DYNC1H1: variants seen among roughly 807,000 people sequenced by gnomAD.
The protein encoded by DYNC1H1 is dynein cytoplasmic 1 heavy chain 1, also known as cytoplasmic dynein 1 heavy chain 1.
A neutral mutation model predicts 527.1 loss-of-function variants in DYNC1H1; 51 were observed. The observed-to-expected ratio is 0.10, with a 90% CI of 0.08 to 0.12. The LOEUF (loss-of-function observed/expected upper bound fraction) is 0.12. Among genes scored for constraint, DYNC1H1 ranks in the 10% least tolerant of loss-of-function variants. The pLI, the probability that DYNC1H1 is intolerant of heterozygous loss-of-function variation, is 1.00. For missense variants in DYNC1H1, 2,771 were observed against 5,971.8 expected (o/e 0.46, Z 17.66); for synonymous variants, 2,189 against 2,278.8 (o/e 0.96, Z 1.12).
At position 101,986,581 on chromosome 14, in the gene DYNC1H1, C is replaced by T. The variant is rs2047939317; in HGVS notation, c.2356C>T (p.Arg786Cys). The change falls in exon 8 of 78, where the codon CGT becomes TGT. Residue 786 changes from arginine to cysteine, a missense_variant. Arg to Cys is a radical substitution (Grantham distance 180). Around this residue, in one of 32 missense-constraint regions of DYNC1H1, gnomAD observed 264 missense variants for 619.4 expected, o/e 0.43. Coordinates refer to ENST00000360184, the MANE Select transcript of DYNC1H1 (RefSeq NM_001376.5). The surrounding 1 kb of genome is among the most constrained non-coding windows in gnomAD (Gnocchi z 8.7). ...TGCCATCTCACTGATCGAGAGCGTT[C>T]GTACCTATGAACGGACCTGCGAGAA... Reference protein sequence around the residue: ...PFAISLIESVRTYERTCEKVE... With the variant: ...PFAISLIESVCTYERTCEKVE... 4.3e-6 allele frequency: 7 copies of T among 1,613,916 alleles called. No homozygotes were observed. The highest frequency in any genetic ancestry group is 5.1e-6 in the Non-Finnish European group (6 of 1,179,994).
intron 77 of DYNC1H1, 84 bp from the exon 78 acceptor site, chr14:102,050,350 GC>G: frequency 5.0e-6 from 8 of 1,611,938 alleles, no homozygotes; most frequent in Non-Finnish European, 6.8e-6. Context: ...ACCTCTCCTT[GC>G]CGGGCCCCAT....
chr14:102,042,540 C>A lies in DYNC1H1; in HGVS notation c.12399+33C>A. 1 of 1,613,970 alleles carries A rather than the reference C, an allele frequency of 6.2e-7. No homozygotes were observed. Among genetic ancestry groups the A allele is most frequent in the East Asian group, 2.2e-5 (1 of 44,848 alleles). On this transcript the variant is annotated intron_variant, in intron 68 of 77. Coordinates refer to ENST00000360184, the MANE Select transcript of DYNC1H1 (RefSeq NM_001376.5). This position sits in a 1 kb window ranked among gnomAD's most constrained non-coding sequence, Gnocchi z 5.7. ...GTTGAAGGAGTGGAGACGTTGCAGG[C>A]TGGCCTGGCACTGTGCTGTCGGCAC...
At chr14:102,048,492 C>G (rs760124924) in intron 73 of DYNC1H1, 24 bp from the exon 74 acceptor site, 12 of 1,614,138 alleles carry the variant, frequency 7.4e-6, no homozygotes, top group Non-Finnish European at 1.0e-5. Context: ...CCTAACTTCT[C>G]TTCACCCTTT....
chr14:102,020,518 C>T lies in DYNC1H1; in HGVS notation c.8507+462C>T, dbSNP rs905014230. On this transcript the variant is annotated intron_variant, in intron 42 of 77. Coordinates refer to ENST00000360184, the MANE Select transcript of DYNC1H1 (RefSeq NM_001376.5). This position sits in a 1 kb window ranked among gnomAD's most constrained non-coding sequence, Gnocchi z 4.3. ...AGTGTGCGTGTTCCGTAACCACCACCCCTCTTCCTGTTTCTCAGTCTGTGT... is the reference window on the plus strand; with the variant it reads ...AGTGTGCGTGTTCCGTAACCACCACTCCTCTTCCTGTTTCTCAGTCTGTGT... Among the ~76,000 whole-genome samples the T allele has an allele frequency of 6.6e-6, 1 of 152,132 alleles. No individual in the cohort carries two copies. The highest frequency in any genetic ancestry group is 1.5e-5 in the Non-Finnish European group (1 of 68,032).
chr14:102,003,725 A>G (rs977612328), intron 23 of DYNC1H1, among the ~76,000 whole-genome samples: 5 of 148,916 alleles, frequency 3.4e-5, no homozygotes, highest in African/African-American at 1.2e-4. Flanking sequence ...AGGTCAGTTT[A>G]GGACCAGCCT....
rs71116874 is a variant in DYNC1H1, at chr14:102,047,641, GTATATA to G, written c.13007-158_13007-153del. 1.4e-3 allele frequency: 454 copies of G among 315,760 alleles called. 10 individuals carry two copies. The highest frequency in any genetic ancestry group is 1.6e-3 in the East Asian group (23 of 14,502). 19.6% of individuals were successfully genotyped at this position (315,760 alleles called of 1,614,324 possible). ...TACACGTGTGTGTGTGTGTGTGTGTGTATATATATATATATATATATATGTACACAC... is the reference window on the plus strand; with the variant it reads ...TACACGTGTGTGTGTGTGTGTGTGTGTATATATATATATATATGTACACAC... On this transcript the variant is annotated intron_variant, in intron 72 of 77. Transcript: ENST00000360184.
Position 102,005,888 on chromosome 14 carries a change from A to G in DYNC1H1, c.5434A>G (p.Ile1812Val), listed in dbSNP as rs377744517. 6.2e-7 allele frequency: 1 copy of G among 1,614,118 alleles called. No homozygotes were observed. Among genetic ancestry groups the G allele is most frequent in the African/African-American group, 1.3e-5 (1 of 74,944 alleles). ...TTTTAAAGTGACTCTCTTTCTTCAG[A>G]TTACAGAGTTGGTTCACCAGAGAGA... ...PLRRRKLEHL[I>V]TELVHQRDVT... is the part of the protein sequence containing the mutation. Residue 1812 changes from isoleucine to valine, a missense_variant and splice_region_variant, in exon 27 of 78, where the codon ATT becomes GTT. Physicochemically the swap from Ile to Val is conservative, Grantham distance 29 (BLOSUM62 3). Coordinates refer to ENST00000360184, the MANE Select transcript of DYNC1H1 (RefSeq NM_001376.5). This position sits in a 1 kb window ranked among gnomAD's most constrained non-coding sequence, Gnocchi z 4.0.
At chr14:101,967,780 TCA>T (rs1474255777) in intron 1 of DYNC1H1, among the ~76,000 whole-genome samples, 1 of 152,160 alleles carries the variant, frequency 6.6e-6, no homozygotes, top group Admixed American at 6.6e-5. Flanking sequence ...TGAACTAGGA[TCA>T]CACCACTTTG....
In DYNC1H1 at chr14:102,007,255, T is replaced by G. The variant is rs771105732; in HGVS notation, c.5817+147T>G. 510 of 773,174 alleles carry G rather than the reference T, an allele frequency of 6.6e-4. 2 individuals carry two copies. Among genetic ancestry groups the G allele is most frequent in the Admixed American group, 1.1e-4 (5 of 46,740 alleles). The allele number at this position is 773,174 out of a possible 1,614,324, so 47.9% of individuals were successfully genotyped here. On this transcript the variant is annotated intron_variant, in intron 28 of 77. Coordinates refer to ENST00000360184, the MANE Select transcript of DYNC1H1 (RefSeq NM_001376.5). ...TCCTGAGTCCTGTAGTAGGGATAGG[T>G]GTTATTTTGAAGTGTTTGAGGTGTC...
chr14:101,980,846 G>A (rs1166780159), intron 5 of DYNC1H1, among the ~76,000 whole-genome samples: 5 of 152,160 alleles, frequency 3.3e-5, no homozygotes, highest in East Asian at 1.9e-4. Flanking sequence ...TCATCTCCAC[G>A]AGTCGGCTGT....
Position 102,033,856 on chromosome 14 carries a change from T to C in DYNC1H1, c.10414-120T>C. ...CATCTCCTCTGGGACTGTGAACAACTTGGGCACGTTTCTAACCCACCCAAA... is the reference window on the plus strand; with the variant it reads ...CATCTCCTCTGGGACTGTGAACAACCTGGGCACGTTTCTAACCCACCCAAA... On this transcript the variant is annotated intron_variant, in intron 54 of 77. Coordinates refer to ENST00000360184, the MANE Select transcript of DYNC1H1 (RefSeq NM_001376.5). The surrounding 1 kb of genome is among the most constrained non-coding windows in gnomAD (Gnocchi z 5.6). The C allele has an allele frequency of 9.4e-7, 1 of 1,065,808 alleles. No homozygotes were observed. Among genetic ancestry groups the C allele is most frequent in the Non-Finnish European group, 1.4e-6 (1 of 714,358 alleles). The allele number at this position is 1,065,808 out of a possible 1,614,324, so 66.0% of individuals were successfully genotyped here. A position where few individuals can be genotyped will look rare whatever the true frequency, so the allele number is the denominator to read the frequency against.
chr14:102,048,454 G>T, intron 73 of DYNC1H1, 62 bp from the exon 74 acceptor site: 1 of 1,610,490 alleles, frequency 6.2e-7, no homozygotes, highest in South Asian at 1.1e-5. Context: ...ACTTCTGTTT[G>T]ACCTTTACAC....
intron 15 of DYNC1H1, among the ~76,000 whole-genome samples, chr14:101,996,052 A>G (rs1380970022): frequency 6.6e-6 from 1 of 151,962 alleles, no homozygotes; most frequent in Non-Finnish European, 1.5e-5. Context: ...TGACAGAGCA[A>G]GACTCTATCT....
At position 102,042,863 on chromosome 14, in the gene DYNC1H1, A is replaced by C; in HGVS notation, c.12513+115A>C. ...GGAAGTGCCGTGTGGTGAACTGCACAGCTGCTTTTGCTTTTCAGCTGTAGG... is the reference window on the plus strand; with the variant it reads ...GGAAGTGCCGTGTGGTGAACTGCACCGCTGCTTTTGCTTTTCAGCTGTAGG... On this transcript the variant is annotated intron_variant, in intron 69 of 77. Transcript: ENST00000360184. This position sits in a 1 kb window ranked among gnomAD's most constrained non-coding sequence, Gnocchi z 5.7. The C allele has an allele frequency of 8.2e-7, 1 of 1,226,054 alleles. No homozygotes were observed. The highest frequency in any genetic ancestry group is 1.2e-6 in the Non-Finnish European group (1 of 853,834). 75.9% of individuals were successfully genotyped at this position (1,226,054 alleles called of 1,614,324 possible). A position where few individuals can be genotyped will look rare whatever the true frequency, so the allele number is the denominator to read the frequency against.
chr14:101,977,858 A>G (rs560966317), intron 2 of DYNC1H1, among the ~76,000 whole-genome samples: 1 of 152,338 alleles, frequency 6.6e-6, no homozygotes. Flanking sequence ...AGAAAGTTTC[A>G]TTGACTTTAC....
In DYNC1H1 at chr14:102,040,633, G is replaced by A; in HGVS notation, c.11901G>A (p.Glu3967=). The change falls in exon 64 of 78, where the codon GAG becomes GAA. Residue 3967 remains glutamate, a synonymous_variant. Coordinates refer to ENST00000360184, the MANE Select transcript of DYNC1H1 (RefSeq NM_001376.5). ...FGIWLDSSSP[E]QTVPYLWSEE... ...TCTGGCTGGACAGCAGCTCCCCGGA[G>A]CAGACTGTGCCCTACCTCTGGAGTG... 6.2e-7 allele frequency: 1 copy of A among 1,614,202 alleles called. No individual in the cohort carries two copies. The highest frequency in any genetic ancestry group is 1.3e-5 in the African/African-American group (1 of 75,048).
At chr14:102,019,407 G>C (rs191266995) in intron 41 of DYNC1H1, among the ~76,000 whole-genome samples, 8 of 152,352 alleles carry the variant, frequency 5.3e-5, no homozygotes, top group Admixed American at 5.2e-4. Context: ...CGCTCTTCAT[G>C]CTTTGGGACA....
chr14:102,025,185 T>A (rs1201725417), intron 43 of DYNC1H1, among the ~76,000 whole-genome samples: 1 of 151,564 alleles, frequency 6.6e-6, no homozygotes. Flanking sequence ...GGCAGGTGGA[T>A]CACGAGGTCA....
intron 2 of DYNC1H1, among the ~76,000 whole-genome samples, chr14:101,976,271 G>A (rs1444648682): frequency 3.3e-5 from 5 of 151,032 alleles, no homozygotes; most frequent in East Asian, 4.0e-4. Context: ...AGCCCGGCAC[G>A]GTGGCTCACG....
Sources: gnomAD v4.1 joint callset for allele counts (sites outside exome capture counted in the v4.1 genomes callset) on GRCh38, gnomAD v4.1.1 for gene constraint, gnomAD v4.1.1 regional missense constraint, Gnocchi (gnomAD v3.1) non-coding constraint, MANE v1.5 for transcripts, NCBI Gene and HGNC (gene_info 2026-07-23, HGNC 2026-07-21) for gene names.